Variants in TBC1D5 observed in about 807,000 individuals in gnomAD.
TBC1D5 encodes TBC1 domain family, member 5.
Under a neutral mutation model 100.3 loss-of-function variants are expected in TBC1D5, and 75 were observed. That is an observed-to-expected ratio of 0.75 (90% CI 0.62 to 0.91). The LOEUF is 0.91. TBC1D5 is among the 40% of genes least tolerant of loss of function. The probability of loss-of-function intolerance (pLI) is 0.00; values close to 1 mark genes in which losing one functional copy is unlikely to be tolerated. For missense variants in TBC1D5, 910 were observed against 942.4 expected, an observed-to-expected ratio of 0.97 and a Z score of 0.45; for synonymous variants, 323 against 325.6, an observed-to-expected ratio of 0.99 and a Z score of 0.09.
At chr3:17,653,436 A>C (rs1250228576) in intron 1 of TBC1D5, among the ~76,000 whole-genome samples, 1 of 152,028 alleles carries the variant, frequency 6.6e-6, no homozygotes, top group Non-Finnish European at 1.5e-5. Context: ...ATAATGTATA[A>C]CCTCAGTCTG....
intron 19 of TBC1D5, among the ~76,000 whole-genome samples, chr3:17,169,187 G>A (rs1272780858): frequency 1.3e-5 from 2 of 152,128 alleles, no homozygotes; most frequent in Non-Finnish European, 2.9e-5. Flanking sequence ...TTTATTCACT[G>A]TCAATCTCCC....
intron 12 of TBC1D5, 74 bp from the exon 13 acceptor site, chr3:17,372,321 A>G (rs1327450530): frequency 1.9e-5 from 26 of 1,351,354 alleles, no homozygotes; most frequent in African/African-American, 4.4e-5. Context: ...TTCTTTATCA[A>G]TGACAGTTTA....
intron 1 of TBC1D5, among the ~76,000 whole-genome samples, chr3:17,708,281 T>C: frequency 6.6e-6 from 1 of 152,266 alleles, no homozygotes; most frequent in East Asian, 1.9e-4. Flanking sequence ...CTACTGTATC[T>C]ATCGATCTAC....
At chr3:17,368,853 C>G (rs1195020866) in intron 13 of TBC1D5, among the ~76,000 whole-genome samples, 1 of 152,002 alleles carries the variant, frequency 6.6e-6, no homozygotes, top group African/African-American at 2.4e-5. Context: ...TCTGAGAAAG[C>G]AGTTTCATTA....
chr3:17,294,430 C>T (rs775769936), intron 14 of TBC1D5, among the ~76,000 whole-genome samples: 7 of 152,036 alleles, frequency 4.6e-5, no homozygotes, highest in Non-Finnish European at 1.0e-4. Flanking sequence ...TGCTATGTTG[C>T]CAGGCTGGTC....
intron 8 of TBC1D5, among the ~76,000 whole-genome samples, chr3:17,391,654 T>C (rs181317968): frequency 1.3e-5 from 2 of 151,440 alleles, no homozygotes; most frequent in African/African-American, 4.8e-5. Context: ...AGTGAGAAAT[T>C]AAGGCTGTGG....
chr3:17,725,389 A>AT (rs75092516), intron 1 of TBC1D5, among the ~76,000 whole-genome samples: 298 of 143,976 alleles, frequency 2.1e-3, no homozygotes, highest in Middle Eastern at 7.2e-3. Flanking sequence ...GCGAAGAAGT[A>AT]TTTTTTTTTT....
At chr3:17,705,910 C>T in intron 1 of TBC1D5, 19 of 913,070 alleles carry the variant, frequency 2.1e-5, no homozygotes, top group Non-Finnish European at 3.1e-5. Flanking sequence ...TGCTCCTTGC[C>T]CTCGGGCCCG....
At chr3:17,250,525 T>C (rs2077090731) in intron 16 of TBC1D5, among the ~76,000 whole-genome samples, 1 of 152,238 alleles carries the variant, frequency 6.6e-6, no homozygotes, top group Non-Finnish European at 1.5e-5. Context: ...GCTACCACCC[T>C]TGCGTGTTGT....
At chr3:17,564,767 A>G (rs527603292) in intron 2 of TBC1D5, among the ~76,000 whole-genome samples, 1 of 152,270 alleles carries the variant, frequency 6.6e-6, no homozygotes, top group Admixed American at 6.5e-5. Flanking sequence ...CTATATGTTA[A>G]AAACAAATCA....
chr3:17,498,054 TTAAAA>T (rs892144401), intron 3 of TBC1D5, among the ~76,000 whole-genome samples: 41 of 152,304 alleles, frequency 2.7e-4, no homozygotes, highest in African/African-American at 9.6e-4. Context: ...AAATGTCCAC[TTAAAA>T]TAAATAACTT....
chr3:17,647,636 T>C (rs891610263), intron 1 of TBC1D5, among the ~76,000 whole-genome samples: 2 of 152,144 alleles, frequency 1.3e-5, no homozygotes, highest in Non-Finnish European at 2.9e-5. Flanking sequence ...TGAGCCACTG[T>C]GACTGCAGTA....
At chr3:17,650,488 A>G (rs1049715929) in intron 1 of TBC1D5, among the ~76,000 whole-genome samples, 3 of 152,146 alleles carry the variant, frequency 2.0e-5, no homozygotes, top group African/African-American at 7.2e-5. Context: ...ATAATATAAC[A>G]AAGTAATAAT....
intron 1 of TBC1D5, among the ~76,000 whole-genome samples, chr3:17,682,803 T>C (rs993332408): frequency 6.6e-6 from 1 of 151,646 alleles, no homozygotes; most frequent in Non-Finnish European, 1.5e-5. Context: ...TAACATTATT[T>C]ACTTGAAAAG....
Position 17,168,779 on chromosome 3 carries a change from A to G in TBC1D5, c.1853-951T>C, listed in dbSNP as rs1014006562. Among the ~76,000 whole-genome samples, 5 of 152,266 alleles carry G rather than the reference A, an allele frequency of 3.3e-5. No homozygotes were observed. In the East Asian group the frequency reaches 7.7e-4, roughly 24 times the overall value. On this transcript the variant is annotated intron_variant, in intron 19 of 21. Coordinates refer to ENST00000253692, the Ensembl canonical transcript of TBC1D5. ...ACCCTCCATTAACATCTGCTTTCTT[A>G]TTCTTGGTGGCGTAAAAAAATGCCC...
At chr3:17,372,291 T>C in intron 12 of TBC1D5, 44 bp from the exon 13 acceptor site, 1 of 1,488,564 alleles carries the variant, frequency 6.7e-7, no homozygotes, top group Non-Finnish European at 9.1e-7. Flanking sequence ...AATATGAAAT[T>C]AATAAATATA....
chr3:17,466,810 C>G (rs1011600104), intron 3 of TBC1D5, among the ~76,000 whole-genome samples: 5 of 151,130 alleles, frequency 3.3e-5, no homozygotes, highest in Non-Finnish European at 7.4e-5. Flanking sequence ...TTATTTTTAT[C>G]AAACGTGACT....
intron 13 of TBC1D5, among the ~76,000 whole-genome samples, chr3:17,345,117 T>C (rs1242882374): frequency 6.6e-6 from 1 of 151,888 alleles, no homozygotes; most frequent in Admixed American, 6.6e-5. Flanking sequence ...GAAACTACCA[T>C]CAGAGTGAAC....
At chr3:17,597,480 C>A (rs542555707) in intron 2 of TBC1D5, among the ~76,000 whole-genome samples, 1 of 152,284 alleles carries the variant, frequency 6.6e-6, no homozygotes, top group African/African-American at 2.4e-5. Flanking sequence ...TAGTCTTAAC[C>A]ATTACACCAT....
Sources: gnomAD v4.1 joint callset for allele counts (sites outside exome capture counted in the v4.1 genomes callset) on GRCh38, gnomAD v4.1.1 for gene constraint, MANE v1.5 for transcripts, NCBI Gene and HGNC (gene_info 2026-07-23, HGNC 2026-07-21) for gene names.